Variants in SH2D4A observed in about 807,000 individuals in gnomAD.
SH2D4A encodes the protein SH2 domain-containing protein 4A.
A neutral mutation model predicts 64.7 loss-of-function variants in SH2D4A; 70 were observed. The ratio of observed to expected loss-of-function variants is 1.08; its 90% CI spans 0.89 to 1.32. SH2D4A has a LOEUF of 1.32. Among genes scored for constraint, SH2D4A ranks in the 40% most tolerant of loss-of-function variants. The pLI, the probability that SH2D4A is intolerant of heterozygous loss-of-function variation, is 0.00. For synonymous variants in SH2D4A, 268 were observed against 200.7 expected, an observed-to-expected ratio of 1.34 and a Z score of -2.83; for missense variants, 706 against 540.1, an observed-to-expected ratio of 1.31 and a Z score of -3.04.
intron 3 of SH2D4A, among the ~76,000 whole-genome samples, chr8:19,333,825 G>C (rs1410442484): frequency 6.6e-6 from 1 of 152,156 alleles, no homozygotes; most frequent in Non-Finnish European, 1.5e-5. Context: ...TGGTTTTCCA[G>C]CTACAGAAGG....
At chr8:19,358,176 T>C (rs1398597641) in intron 5 of SH2D4A, among the ~76,000 whole-genome samples, 1 of 152,232 alleles carries the variant, frequency 6.6e-6, no homozygotes, top group African/African-American at 2.4e-5. Context: ...TCTCACTATG[T>C]CATTTTAAAT....
At chr8:19,315,511 A>G (rs1463512464) in intron 1 of SH2D4A, among the ~76,000 whole-genome samples, 1 of 152,230 alleles carries the variant, frequency 6.6e-6, no homozygotes, top group Non-Finnish European at 1.5e-5. Flanking sequence ...TATTCAAAAG[A>G]CAGTTGTATT....
At chr8:19,314,102 TG>T in intron 1 of SH2D4A, 5 of 441,406 alleles carry the variant, frequency 1.1e-5, no homozygotes, top group Non-Finnish European at 1.5e-5. Context: ...CCCCGGGGCC[TG>T]GGGGCTTGCA....
intron 4 of SH2D4A, among the ~76,000 whole-genome samples, chr8:19,344,833 T>C (rs1162271862): frequency 6.6e-6 from 1 of 152,158 alleles, no homozygotes; most frequent in African/African-American, 2.4e-5. Flanking sequence ...TAATATATAA[T>C]GCCTCCCAGC....
chr8:19,386,381 T>C (rs2053391924), intron 8 of SH2D4A, among the ~76,000 whole-genome samples: 1 of 152,184 alleles, frequency 6.6e-6, no homozygotes, highest in Admixed American at 6.5e-5. Flanking sequence ...TTCTCATAAA[T>C]TAGTGCAGCA....
In SH2D4A at chr8:19,395,345, C is replaced by T. The variant is rs1215401810; in HGVS notation, c.*703C>T. 3.3e-5 allele frequency: 5 copies of T among 152,170 alleles called. No homozygotes were observed. Among genetic ancestry groups the T allele is most frequent in the African/African-American group, 4.8e-5 (2 of 41,434 alleles). The allele number at this position is 152,170 out of a possible 1,614,324, so 9.4% of individuals were successfully genotyped here. A position where few individuals can be genotyped will look rare whatever the true frequency, so the allele number is the denominator to read the frequency against. ...GCACCAAAAGGATAAAGCATCTGTA[C>T]ATGTATTTTTTTATTTTTTATCAGA... On this transcript the variant is annotated 3_prime_UTR_variant, in exon 10 of 10. Coordinates refer to ENST00000265807, the MANE Select transcript of SH2D4A (RefSeq NM_022071.4).
At position 19,394,603 on chromosome 8, in the gene SH2D4A, G is replaced by C. The variant is rs1175684496; in HGVS notation, c.1326G>C (p.Gln442His). The C allele has an allele frequency of 1.2e-6, 2 of 1,611,220 alleles. No homozygotes were observed. Among genetic ancestry groups the C allele is most frequent in the Non-Finnish European group, 8.5e-7 (1 of 1,178,342 alleles). ...GKELLLYPCG[Q>H]QDQLPDYLEL... The stretch of plus-strand genomic sequence containing the variant: ...AGCTCCTTCTCTATCCCTGTGGTCA[G>C]CAGGACCAGCTGCCTGACTACCTGG... Residue 442 changes from glutamine to histidine, a missense_variant, in exon 10 of 10, where the codon CAG becomes CAC. Gln to His is a conservative substitution (Grantham distance 24, BLOSUM62 0). Coordinates refer to ENST00000265807, the MANE Select transcript of SH2D4A (RefSeq NM_022071.4).
intron 4 of SH2D4A, among the ~76,000 whole-genome samples, chr8:19,343,398 A>C (rs549125414): frequency 6.6e-6 from 1 of 152,080 alleles, no homozygotes; most frequent in Admixed American, 6.5e-5. Context: ...ACACCATTGC[A>C]CTCTAGGCTT....
At chr8:19,348,781 C>CTT (rs1309372735) in intron 4 of SH2D4A, among the ~76,000 whole-genome samples, 1 of 152,190 alleles carries the variant, frequency 6.6e-6, no homozygotes, top group Non-Finnish European at 1.5e-5. Context: ...CAAAATAACA[C>CTT]TTTAAGGTGA....
Position 19,364,079 on chromosome 8 carries a change from AT to A in SH2D4A, c.715del (p.Ser239ProfsTer57). 6.2e-7 allele frequency: 1 copy of A among 1,613,972 alleles called. No individual in the cohort carries two copies. Among genetic ancestry groups the A allele is most frequent in the Non-Finnish European group, 8.5e-7 (1 of 1,179,930 alleles). On this transcript the variant is annotated frameshift_variant, in exon 7 of 10. Coordinates refer to ENST00000265807, the MANE Select transcript of SH2D4A (RefSeq NM_022071.4). LOFTEE classifies it high-confidence loss of function. The part of the protein sequence containing the change: ...DSEWQASLRK[S>X]KAADEKRRSL... ...ACCCCGTTGTTTTTCCAGTGCGAAAATCCAAAGCAGCTGATGAGAAGAGACG... is the reference window on the plus strand; with the variant it reads ...ACCCCGTTGTTTTTCCAGTGCGAAAACCAAAGCAGCTGATGAGAAGAGACG...
At chr8:19,385,220 T>G (rs753636090) in intron 8 of SH2D4A, among the ~76,000 whole-genome samples, 9 of 151,826 alleles carry the variant, frequency 5.9e-5, no homozygotes, top group East Asian at 1.9e-4. Context: ...TTTGTTTTTT[T>G]TTTTTTTGAG....
At chr8:19,367,683 GTTGA>G (rs1451559913) in intron 7 of SH2D4A, among the ~76,000 whole-genome samples, 4 of 152,106 alleles carry the variant, frequency 2.6e-5, no homozygotes, top group African/African-American at 9.7e-5. Context: ...TCTTTACTCT[GTTGA>G]TTGTTTCCTT....
At chr8:19,387,828 TTGG>T (rs2053416670) in intron 8 of SH2D4A, among the ~76,000 whole-genome samples, 1 of 152,318 alleles carries the variant, frequency 6.6e-6, no homozygotes, top group Non-Finnish European at 1.5e-5. Context: ...ATGTAATTTG[TTGG>T]TAATATTTGT....
chr8:19,374,144 T>A (rs1246485904), intron 8 of SH2D4A, among the ~76,000 whole-genome samples: 1 of 152,220 alleles, frequency 6.6e-6, no homozygotes, highest in Non-Finnish European at 1.5e-5. Flanking sequence ...AACTTTGTGG[T>A]CTTGGAAGTG....
intron 9 of SH2D4A, among the ~76,000 whole-genome samples, chr8:19,394,098 C>G (rs906431041): frequency 6.6e-6 from 1 of 152,076 alleles, no homozygotes; most frequent in Admixed American, 6.6e-5. Flanking sequence ...TCCTAAGGAG[C>G]GCACAACTGA....
At chr8:19,356,538 C>T (rs1324818719) in intron 4 of SH2D4A, among the ~76,000 whole-genome samples, 1 of 152,174 alleles carries the variant, frequency 6.6e-6, no homozygotes, top group Non-Finnish European at 1.5e-5. Context: ...TTAAGAAGCA[C>T]CCATTGTGAT....
chr8:19,364,313 A>G, intron 7 of SH2D4A, 31 bp downstream of exon 7: 1 of 1,610,054 alleles, frequency 6.2e-7, no homozygotes, highest in South Asian at 1.1e-5. Context: ...GTTTATGCAT[A>G]AACATTGCAA....
intron 8 of SH2D4A, among the ~76,000 whole-genome samples, chr8:19,382,236 A>C (rs10105089): frequency 0.19 from 28,728 of 152,024 alleles, 2,971 homozygotes; most frequent in African/African-American, 0.26. Flanking sequence ...CTTAATTTGC[A>C]TCTCACTTTT....
intron 4 of SH2D4A, among the ~76,000 whole-genome samples, chr8:19,346,322 C>T (rs534397564): frequency 2.0e-5 from 3 of 152,308 alleles, no homozygotes; most frequent in South Asian, 2.1e-4. Flanking sequence ...CCCTGGGCCC[C>T]GCCTCCTGTC....
Sources: allele counts gnomAD v4.1 joint callset (sites outside exome capture counted in the v4.1 genomes callset), GRCh38; gene constraint gnomAD v4.1.1; transcripts MANE v1.5; gene names NCBI Gene and HGNC (gene_info 2026-07-23, HGNC 2026-07-21).